CNTN5: variants seen among roughly 807,000 people sequenced by gnomAD.
CNTN5 encodes the protein contactin 5, also known as contactin-5.
Under a neutral mutation model 129.1 loss-of-function variants are expected in CNTN5, and 77 were observed. That is an observed-to-expected ratio of 0.60 (90% CI 0.50 to 0.72). CNTN5 has a LOEUF of 0.72. Ranked by LOEUF, CNTN5 falls within the 30% of genes least tolerant of loss-of-function variation. The probability of loss-of-function intolerance (pLI) is 0.00; values close to 1 mark genes in which losing one functional copy is unlikely to be tolerated. For missense variants in CNTN5, 1,478 were observed against 1,328.8 expected, an observed-to-expected ratio of 1.11 and a Z score of -1.75; for synonymous variants, 509 against 465.6, an observed-to-expected ratio of 1.09 and a Z score of -1.20.
intron 9 of CNTN5, among the ~76,000 whole-genome samples, chr11:100,042,801 G>C (rs1359213884): frequency 6.6e-6 from 1 of 152,094 alleles, no homozygotes; most frequent in African/African-American, 2.4e-5. Flanking sequence ...GTTATTAAGA[G>C]ATATTTTTGA....
rs1591180495 is a variant in CNTN5, at chr11:100,071,395, C to A, written c.1300-310C>A. ...GGAATGCAAATAAAAGCATCACCTG[C>A]TGATTATATTTCACAAGCTCAACTA... On this transcript the variant is annotated intron_variant, in intron 11 of 24. Transcript: ENST00000524871. Among the ~76,000 whole-genome samples, 2 of 152,210 alleles carry A rather than the reference C, an allele frequency of 1.3e-5. 1 individual carries two copies.
At chr11:99,315,218 A>G (rs1311830596) in intron 1 of CNTN5, among the ~76,000 whole-genome samples, 1 of 146,158 alleles carries the variant, frequency 6.8e-6, no homozygotes, top group Non-Finnish European at 1.5e-5. Context: ...TCACTGAACT[A>G]TCAGATAATG....
intron 1 of CNTN5, among the ~76,000 whole-genome samples, chr11:99,307,921 T>A (rs141680731): frequency 7.2e-5 from 11 of 152,218 alleles, no homozygotes; most frequent in African/African-American, 2.4e-4. Context: ...AGCATAGGCT[T>A]ACACAGAAAC....
intron 11 of CNTN5, among the ~76,000 whole-genome samples, chr11:100,071,311 T>G (rs1366387486): frequency 2.0e-5 from 3 of 152,110 alleles, no homozygotes; most frequent in African/African-American, 7.2e-5. Context: ...AACCTTGATC[T>G]CATGTGTCTA....
chr11:99,839,191 G>T (rs1383369903), intron 4 of CNTN5, among the ~76,000 whole-genome samples: 1 of 152,068 alleles, frequency 6.6e-6, no homozygotes, highest in East Asian at 1.9e-4. Context: ...AAATAATGAG[G>T]AAAGAAATAT....
Position 100,055,021 on chromosome 11 carries a change from C to T in CNTN5, c.981-6191C>T, listed in dbSNP as rs551815990. On this transcript the variant is annotated intron_variant, in intron 9 of 24. Transcript: ENST00000524871. Reference sequence around the variant, plus strand: ...CTTGATTGCCAGAAATCATCATAGCCGTAGCCTAAAAAAAAAAAAAAAAAA... The same window carrying T: ...CTTGATTGCCAGAAATCATCATAGCTGTAGCCTAAAAAAAAAAAAAAAAAA... Among the ~76,000 whole-genome samples, 11 of 116,068 alleles carry T rather than the reference C, an allele frequency of 9.5e-5. No individual in the cohort carries two copies. The South Asian group carries it at 2.3e-3, about 25-fold the overall frequency. 76.1% of individuals were successfully genotyped at this position (116,068 alleles called of 152,430 possible).
chr11:99,192,832 TA>T (rs1236631893), intron 1 of CNTN5, among the ~76,000 whole-genome samples: 1 of 152,138 alleles, frequency 6.6e-6, no homozygotes, highest in Admixed American at 6.6e-5. Flanking sequence ...GGACTTTAGT[TA>T]AAAGTAATAT....
chr11:99,972,085 T>TAAAAA lies in CNTN5; in HGVS notation c.877+15098_877+15102dup, dbSNP rs71050038. Among the ~76,000 whole-genome samples, 662 of 92,186 alleles carry TAAAAA rather than the reference T, an allele frequency of 7.2e-3. 29 individuals are homozygous for TAAAAA. The highest frequency in any genetic ancestry group is 0.019 in the African/African-American group (438 of 23,646). The allele number at this position is 92,186 out of a possible 152,430, so 60.5% of individuals were successfully genotyped here. A position where few individuals can be genotyped will look rare whatever the true frequency, so the allele number is the denominator to read the frequency against. On this transcript the variant is annotated intron_variant, in intron 8 of 24. Coordinates refer to ENST00000524871, the MANE Select transcript of CNTN5 (RefSeq NM_014361.4). The stretch of plus-strand genomic sequence containing the variant: ...TAACACGGTGAAAACTTATCTCTAT[T>TAAAAA]AAAAAAAAAAAAAAAAAAAAAAAAA...
intron 3 of CNTN5, among the ~76,000 whole-genome samples, chr11:99,650,760 A>G (rs1952125602): frequency 6.6e-6 from 1 of 151,902 alleles, no homozygotes; most frequent in African/African-American, 2.4e-5. Flanking sequence ...TGACTTTTTC[A>G]TTGTAATTAT....
At position 100,239,248 on chromosome 11, in the gene CNTN5, T is replaced by A. The variant is rs545575433; in HGVS notation, c.2005+14436T>A. Among the ~76,000 whole-genome samples, 3 of 152,298 alleles carry A rather than the reference T, an allele frequency of 2.0e-5. No individual in the cohort carries two copies. The East Asian group carries it at 5.8e-4, about 29-fold the overall frequency. ...GAAGTAAACACTGAAGAGCTTCAAG[T>A]GTAGTTAAACAAAATCACCAAGAAG... On this transcript the variant is annotated intron_variant, in intron 16 of 24. Transcript: ENST00000524871.
intron 2 of CNTN5, among the ~76,000 whole-genome samples, chr11:99,477,204 T>C (rs1244335746): frequency 2.0e-5 from 3 of 151,986 alleles, no homozygotes; most frequent in Non-Finnish European, 4.4e-5. Context: ...AGTTGTTTTG[T>C]TTAGGAAAAG....
intron 1 of CNTN5, among the ~76,000 whole-genome samples, chr11:99,051,731 C>T (rs1430284521): frequency 1.3e-5 from 2 of 151,822 alleles, no homozygotes; most frequent in African/African-American, 4.8e-5. Context: ...ATCAGTCAAT[C>T]CATCCGTTTG....
At chr11:99,780,016 G>C (rs1467617871) in intron 3 of CNTN5, among the ~76,000 whole-genome samples, 2 of 151,962 alleles carry the variant, frequency 1.3e-5, no homozygotes, top group Admixed American at 1.3e-4. Context: ...TACGTGAAGA[G>C]GGAGCATGTT....
At chr11:100,148,834 T>TTTGA (rs1231377271) in intron 13 of CNTN5, among the ~76,000 whole-genome samples, 8 of 149,334 alleles carry the variant, frequency 5.4e-5, no homozygotes, top group African/African-American at 2.0e-4. Flanking sequence ...TAAATATTTA[T>TTTGA]TTGATTGTTT....
intron 13 of CNTN5, among the ~76,000 whole-genome samples, chr11:100,181,352 G>C (rs1166025792): frequency 6.6e-6 from 1 of 151,808 alleles, no homozygotes; most frequent in Non-Finnish European, 1.5e-5. Flanking sequence ...AGATTTTTTT[G>C]AAATGGAAAA....
intron 13 of CNTN5, among the ~76,000 whole-genome samples, chr11:100,153,009 C>CA (rs950155843): frequency 7.3e-5 from 11 of 151,722 alleles, no homozygotes; most frequent in African/African-American, 2.4e-4. Flanking sequence ...GGCTTAACCA[C>CA]AAAAAAAGTA....
intron 1 of CNTN5, among the ~76,000 whole-genome samples, chr11:99,205,718 A>G (rs1859445828): frequency 6.6e-6 from 1 of 152,200 alleles, no homozygotes; most frequent in Non-Finnish European, 1.5e-5. Flanking sequence ...TGATATGTTA[A>G]TTAGCTTGAC....
chr11:99,264,270 T>G (rs1045460264), intron 1 of CNTN5, among the ~76,000 whole-genome samples: 4 of 151,732 alleles, frequency 2.6e-5, no homozygotes, highest in African/African-American at 9.7e-5. Flanking sequence ...TTCTTAGAAT[T>G]TATAGGCTAA....
intron 1 of CNTN5, among the ~76,000 whole-genome samples, chr11:99,106,441 C>T (rs1257362513): frequency 6.6e-6 from 1 of 151,802 alleles, no homozygotes; most frequent in African/African-American, 2.4e-5. Flanking sequence ...TTACAGACTA[C>T]ATTAATTAAT....
Sources: gnomAD v4.1 joint callset for allele counts (sites outside exome capture counted in the v4.1 genomes callset) on GRCh38, gnomAD v4.1.1 for gene constraint, MANE v1.5 for transcripts, NCBI Gene and HGNC (gene_info 2026-07-23, HGNC 2026-07-21) for gene names.